The following LRP2 variants were observed in gnomAD, a reference collection of about 807,000 sequenced individuals.
The protein encoded by LRP2 is LDL receptor related protein 2, also known as low-density lipoprotein receptor-related protein 2.
Under a neutral mutation model 531.0 loss-of-function variants are expected in LRP2, and 172 were observed. The observed-to-expected ratio is 0.32, with a 90% confidence interval of 0.29 to 0.37. The LOEUF is 0.37. LRP2 is among the 10% of genes least tolerant of loss of function. The probability of loss-of-function intolerance (pLI) is 1.00; values close to 1 mark genes in which losing one functional copy is unlikely to be tolerated. For synonymous variants in LRP2, 1,992 were observed against 2,027.6 expected (o/e 0.98, Z 0.47); for missense variants, 5,167 against 5,868.3 (o/e 0.88, Z 3.90).
At chr2:169,265,094 C>A (rs1486098621) in intron 16 of LRP2, among the ~76,000 whole-genome samples, 1 of 151,346 alleles carries the variant, frequency 6.6e-6, no homozygotes, top group African/African-American at 2.4e-5. Context: ...AAATTAATCA[C>A]CCCCAGAACA....
Position 169,201,842 on chromosome 2 carries a change from G to A in LRP2, c.8238C>T (p.Phe2746=). 10 of 1,614,196 alleles carry A rather than the reference G, an allele frequency of 6.2e-6. No homozygotes were observed. Among genetic ancestry groups the A allele is most frequent in the Non-Finnish European group, 8.5e-6 (10 of 1,180,024 alleles). Residue 2746 remains phenylalanine (F), a synonymous_variant, in exon 44 of 79, where the codon TTC becomes TTT. Transcript: ENST00000649046. Reference sequence around the variant, plus strand: ...GGACACATCGCCCATTGGCACAGGTGAAGGCTGTCGGTGAGCAGGTGTGAA... The same window carrying A: ...GGACACATCGCCCATTGGCACAGGTAAAGGCTGTCGGTGAGCAGGTGTGAA... ...CALHTCSPTA[F]TCANGRCVQY... is the part of the protein sequence containing the mutation.
Position 169,128,120 on chromosome 2 carries a change from T to A in LRP2, c.*543A>T, listed in dbSNP as rs895024192. On this transcript the variant is annotated 3_prime_UTR_variant, in exon 79 of 79. Coordinates refer to ENST00000649046, the MANE Select transcript of LRP2 (RefSeq NM_004525.3). ...GTCTACAGTCAAGTCCAGATGTCTATACAACACATAGTGGCCCCTATCAAC... is the reference window on the plus strand; with the variant it reads ...GTCTACAGTCAAGTCCAGATGTCTAAACAACACATAGTGGCCCCTATCAAC... 1.9e-5 allele frequency: 3 copies of A among 161,024 alleles called. No individual in the cohort carries two copies. The highest frequency in any genetic ancestry group is 4.1e-5 in the Non-Finnish European group (3 of 73,604). 10.0% of individuals were successfully genotyped at this position (161,024 alleles called of 1,614,324 possible).
intron 1 of LRP2, among the ~76,000 whole-genome samples, chr2:169,336,765 T>C (rs955302291): frequency 6.6e-6 from 1 of 152,140 alleles, no homozygotes; most frequent in Admixed American, 6.5e-5. Flanking sequence ...ATAACACTTG[T>C]CAGGAAACAA....
At chr2:169,284,333 C>T (rs555936684) in intron 9 of LRP2, among the ~76,000 whole-genome samples, 7 of 122,106 alleles carry the variant, frequency 5.7e-5, no homozygotes, top group Non-Finnish European at 1.1e-4. Flanking sequence ...GGCACAGTCT[C>T]GGCTCACTGC....
intron 17 of LRP2, among the ~76,000 whole-genome samples, chr2:169,257,952 C>G (rs1690380789): frequency 6.6e-6 from 1 of 151,834 alleles, no homozygotes; most frequent in Non-Finnish European, 1.5e-5. Flanking sequence ...TACTTCATAT[C>G]ATTTTAAACA....
rs187049308 is a variant in LRP2, at chr2:169,135,916, C to T, written c.13620+1476G>A. ...TTTATACCACCGGTTTACACTGTTT[C>T]TCCAAGCCGTCACAGCTGATATCTC... is the stretch of plus-strand genomic sequence containing the variant. On this transcript the variant is annotated intron_variant, in intron 76 of 78. Transcript: ENST00000649046. Among the ~76,000 whole-genome samples the T allele has an allele frequency of 1.1e-3, 175 of 152,248 alleles. 1 individual carries two copies. Among genetic ancestry groups the T allele is most frequent in the African/African-American group, 4.1e-3 (171 of 41,540 alleles).
chr2:169,352,776 T>A (rs1388284182), intron 1 of LRP2, among the ~76,000 whole-genome samples: 1 of 150,534 alleles, frequency 6.6e-6, no homozygotes, highest in East Asian at 2.0e-4. Context: ...CCGCATGTTC[T>A]CACTCATAAG....
rs1185037238 is a variant in LRP2, at chr2:169,201,833, G to A, written c.8247C>T (p.Ala2749=). Residue 2749 remains alanine, a synonymous_variant, in exon 44 of 79, where the codon GCC becomes GCT. Transcript: ENST00000649046. ...AAGAGTATTGGACACATCGCCCATT[G>A]GCACAGGTGAAGGCTGTCGGTGAGC... The part of the protein sequence containing the change: ...HTCSPTAFTC[A]NGRCVQYSYR... The A allele has an allele frequency of 6.2e-7, 1 of 1,614,158 alleles. No individual in the cohort carries two copies. The highest frequency in any genetic ancestry group is 1.7e-5 in the Admixed American group (1 of 60,010).
At chr2:169,347,826 T>C (rs952907635) in intron 1 of LRP2, among the ~76,000 whole-genome samples, 21 of 152,202 alleles carry the variant, frequency 1.4e-4, no homozygotes, top group Middle Eastern at 3.4e-3. Context: ...ATATATTGAA[T>C]GAATGAATGA....
intron 22 of LRP2, 58 bp from the exon 23 acceptor site, chr2:169,243,580 G>C: frequency 6.2e-7 from 1 of 1,610,088 alleles, no homozygotes; most frequent in Non-Finnish European, 8.5e-7. Context: ...AAGTACCAGA[G>C]CCAAACTAAA....
chr2:169,185,073 T>C (rs746739858), intron 50 of LRP2, among the ~76,000 whole-genome samples: 2 of 152,158 alleles, frequency 1.3e-5, no homozygotes, highest in Non-Finnish European at 2.9e-5. Context: ...TGACAAGTAT[T>C]GTAAGCAAGG....
At chr2:169,205,454 C>T (rs759181887) in intron 41 of LRP2, 25 bp downstream of exon 41, 1 of 1,613,736 alleles carries the variant, frequency 6.2e-7, no homozygotes, top group South Asian at 1.1e-5. Flanking sequence ...TCTTAACACC[C>T]ACATGAGTAA....
chr2:169,277,318 AG>A (rs1683583108), intron 13 of LRP2, among the ~76,000 whole-genome samples: 1 of 152,198 alleles, frequency 6.6e-6, no homozygotes, highest in South Asian at 2.1e-4. Flanking sequence ...ATATAAGAGC[AG>A]AGTAAAATCC....
chr2:169,226,295 G>T, intron 32 of LRP2, 127 bp downstream of exon 32: 1 of 756,916 alleles, frequency 1.3e-6, no homozygotes, highest in East Asian at 2.6e-5. Flanking sequence ...AAAAAACTTA[G>T]GGATAAATTT....
rs1191734910 is a variant in LRP2 at position 169,259,230 on chromosome 2, A to G, written c.2321-13T>C. On this transcript the variant is annotated splice_polypyrimidine_tract_variant and intron_variant, in intron 16 of 78. Transcript: ENST00000649046. Reference sequence around the variant, plus strand: ...AGAATTTCTCTTCCTATAAGTTAAAATATGGACATATTTTAAGCTAAGTAT... The same window carrying G: ...AGAATTTCTCTTCCTATAAGTTAAAGTATGGACATATTTTAAGCTAAGTAT... 1 of 1,598,986 alleles carries G rather than the reference A, an allele frequency of 6.3e-7. No homozygotes were observed. The highest frequency in any genetic ancestry group is 1.1e-5 in the South Asian group (1 of 90,698).
At chr2:169,168,304 A>C (rs577973382) in intron 61 of LRP2, among the ~76,000 whole-genome samples, 5 of 152,030 alleles carry the variant, frequency 3.3e-5, no homozygotes, top group Admixed American at 2.6e-4. Flanking sequence ...ATTTCCCTTA[A>C]AGACATTGTT....
At chr2:169,262,694 C>T (rs1487318202) in intron 16 of LRP2, among the ~76,000 whole-genome samples, 1 of 149,060 alleles carries the variant, frequency 6.7e-6, no homozygotes, top group Non-Finnish European at 1.5e-5. Flanking sequence ...AGATTCAATG[C>T]CATCCCCATC....
Position 169,245,032 on chromosome 2 carries a change from C to T in LRP2, c.3191-100G>A, listed in dbSNP as rs554660096. The T allele has an allele frequency of 3.2e-5, 40 of 1,253,776 alleles. No individual in the cohort carries two copies. In the East Asian group the frequency reaches 7.0e-4, roughly 22 times the overall value. 77.7% of individuals were successfully genotyped at this position (1,253,776 alleles called of 1,614,324 possible). On this transcript the variant is annotated intron_variant, in intron 21 of 78. Coordinates refer to ENST00000649046, the MANE Select transcript of LRP2 (RefSeq NM_004525.3). ...CTCAGTTCACCTTTTTTAATGGAGG[C>T]ATTGTATATAATAAGGAGAAATGTT...
At chr2:169,359,715 A>T (rs1240846217) in intron 1 of LRP2, among the ~76,000 whole-genome samples, 1 of 152,180 alleles carries the variant, frequency 6.6e-6, no homozygotes, top group East Asian at 1.9e-4. Context: ...CTGGAAAAAG[A>T]TCCACAGTTA....
Sources: allele counts gnomAD v4.1 joint callset (sites outside exome capture counted in the v4.1 genomes callset), GRCh38; gene constraint gnomAD v4.1.1; transcripts MANE v1.5; gene names NCBI Gene and HGNC (gene_info 2026-07-23, HGNC 2026-07-21).